ORC3: variants seen among roughly 807,000 people sequenced by gnomAD.
The protein encoded by ORC3 is homolog of latheo, Drosophila.
A neutral mutation model predicts 100.7 loss-of-function variants in ORC3; 78 were observed. The observed-to-expected ratio is 0.77, with a 90% confidence interval of 0.65 to 0.94. The LOEUF is 0.94. Among genes scored for constraint, ORC3 ranks in the 40% least tolerant of loss-of-function variants. The pLI, the probability that ORC3 is intolerant of heterozygous loss-of-function variation, is 0.00. For synonymous variants in ORC3, 295 were observed against 289.3 expected, an observed-to-expected ratio of 1.02 and a Z score of -0.20; for missense variants, 789 against 823.9, an observed-to-expected ratio of 0.96 and a Z score of 0.52.
At chr6:87,597,668 GAT>G (rs71021303) in intron 2 of ORC3, among the ~76,000 whole-genome samples, 1,679 of 142,444 alleles carry the variant, frequency 0.012, 23 homozygotes, top group African/African-American at 0.034. Context: ...TTTAAGTAAT[GAT>G]ATATATATAT....
chr6:87,627,612 A>G (rs1780018973), intron 11 of ORC3, among the ~76,000 whole-genome samples: 1 of 152,040 alleles, frequency 6.6e-6, no homozygotes, highest in African/African-American at 2.4e-5. Flanking sequence ...AACACATTTC[A>G]ATGTATATAA....
intron 16 of ORC3, among the ~76,000 whole-genome samples, chr6:87,658,227 G>T (rs1377576656): frequency 6.6e-6 from 1 of 152,180 alleles, no homozygotes; most frequent in Admixed American, 6.5e-5. Flanking sequence ...GGAGGCCAAG[G>T]CTGGTGGATC....
intron 11 of ORC3, among the ~76,000 whole-genome samples, chr6:87,629,480 A>G (rs898758085): frequency 2.6e-5 from 4 of 152,200 alleles, no homozygotes; most frequent in South Asian, 4.1e-4. Context: ...TAAGTTTTAC[A>G]TATGTATTGA....
chr6:87,666,594 A>C (rs1356046371), intron 19 of ORC3, among the ~76,000 whole-genome samples: 2 of 150,916 alleles, frequency 1.3e-5, no homozygotes, highest in Non-Finnish European at 2.9e-5. Flanking sequence ...GCCTGCCACC[A>C]TGCCTGGCTA....
chr6:87,641,890 A>C (rs1282389231), intron 13 of ORC3, among the ~76,000 whole-genome samples: 3 of 152,206 alleles, frequency 2.0e-5, no homozygotes, highest in Non-Finnish European at 4.4e-5. Flanking sequence ...ATATTTAAAG[A>C]TCTACTTAGG....
At chr6:87,591,974 G>A (rs1269422805) in intron 1 of ORC3, among the ~76,000 whole-genome samples, 2 of 152,196 alleles carry the variant, frequency 1.3e-5, no homozygotes, top group African/African-American at 4.8e-5. Flanking sequence ...CGAGTGATCC[G>A]CCAGCCTCGG....
intron 13 of ORC3, among the ~76,000 whole-genome samples, chr6:87,648,616 A>C (rs1270549566): frequency 6.6e-6 from 1 of 152,208 alleles, no homozygotes; most frequent in Non-Finnish European, 1.5e-5. Context: ...AGTTTACTTA[A>C]GTTCTCTGTG....
At chr6:87,605,194 G>T (rs981509132) in intron 4 of ORC3, among the ~76,000 whole-genome samples, 1 of 152,144 alleles carries the variant, frequency 6.6e-6, no homozygotes, top group Admixed American at 6.5e-5. Flanking sequence ...TATAGAGACA[G>T]GTTCTCACCA....
At chr6:87,616,944 C>T (rs919065619) in intron 9 of ORC3, among the ~76,000 whole-genome samples, 5 of 151,966 alleles carry the variant, frequency 3.3e-5, no homozygotes, top group East Asian at 3.9e-4. Flanking sequence ...ATTACAGGTG[C>T]GTGCCACCAC....
chr6:87,591,104 T>A (rs970172950), intron 1 of ORC3, among the ~76,000 whole-genome samples: 5 of 152,264 alleles, frequency 3.3e-5, no homozygotes, highest in Non-Finnish European at 7.3e-5. Flanking sequence ...CTAACCACAT[T>A]TCAAGTGCTC....
At chr6:87,632,306 A>AT (rs748121792) in intron 11 of ORC3, among the ~76,000 whole-genome samples, 19 of 152,266 alleles carry the variant, frequency 1.2e-4, no homozygotes, top group Non-Finnish European at 2.4e-4. Flanking sequence ...GTTGCAACTG[A>AT]TAAAAACACA....
At chr6:87,601,907 T>G (rs1382512961) in intron 3 of ORC3, 26 bp downstream of exon 3, 2 of 1,253,168 alleles carry the variant, frequency 1.6e-6, no homozygotes, top group Admixed American at 1.7e-5. Context: ...AATAATTTTC[T>G]GTAACACCCT....
At position 87,653,241 on chromosome 6, in the gene ORC3, G is replaced by T; in HGVS notation, c.1508G>T (p.Ser503Ile). Residue 503 changes from serine (S) to isoleucine (I), a missense_variant, in exon 14 of 20, where the codon AGC (serine) becomes ATC (isoleucine). Around this residue, in one of 3 missense-constraint regions of ORC3, gnomAD observed 366 missense variants for 394.2 expected, o/e 0.93. Coordinates refer to ENST00000392844, the MANE Select transcript of ORC3 (RefSeq NM_012381.4). ...GAGGAGTTCCTGGCCCAGTTTCAGA[G>T]CCTCGATGGTAAGAGTGTAATATCC... ...RIEEFLAQFQ[S>I]LDETKEEEDA... 1.2e-6 allele frequency: 2 copies of T among 1,613,460 alleles called. No individual in the cohort carries two copies. Among genetic ancestry groups the T allele is most frequent in the Non-Finnish European group, 1.7e-6 (2 of 1,179,676 alleles).
At chr6:87,599,246 C>T (rs1378571725) in intron 2 of ORC3, among the ~76,000 whole-genome samples, 1 of 152,040 alleles carries the variant, frequency 6.6e-6, no homozygotes, top group East Asian at 1.9e-4. Context: ...AAAATTGTGT[C>T]TTGATTTGCC....
intron 8 of ORC3, among the ~76,000 whole-genome samples, chr6:87,615,162 G>A (rs1242147950): frequency 4.6e-5 from 7 of 152,196 alleles, no homozygotes; most frequent in Admixed American, 4.6e-4. Context: ...AGCAGGCAAA[G>A]AGAGAGAGCT....
In ORC3 at chr6:87,612,117, C is replaced by T. The variant is rs773825769; in HGVS notation, c.742C>T (p.Leu248Phe). The T allele has an allele frequency of 6.2e-7, 1 of 1,612,102 alleles. No homozygotes were observed. The highest frequency in any genetic ancestry group is 8.5e-7 in the Non-Finnish European group (1 of 1,179,564). The change falls in exon 8 of 20, where the codon CTC (leucine) becomes TTC (phenylalanine). Residue 248 changes from leucine (L) to phenylalanine (F), a missense_variant. Transcript: ENST00000392844. The part of the protein sequence containing the change: ...SQHLHEFPLI[L>F]IFGIATSPII... Reference sequence around the variant, plus strand: ...ACATCTCCATGAATTTCCACTAATACTCATTTTTGGAATAGCCACATCTCC... The same window carrying T: ...ACATCTCCATGAATTTCCACTAATATTCATTTTTGGAATAGCCACATCTCC...
intron 9 of ORC3, among the ~76,000 whole-genome samples, chr6:87,618,535 A>G (rs79138416): frequency 0.03 from 4,582 of 152,300 alleles, 230 homozygotes; most frequent in African/African-American, 0.1. Flanking sequence ...CTGGGGTTCC[A>G]TAGGAAAACA....
chr6:87,640,189 T>G (rs879185892), intron 13 of ORC3, among the ~76,000 whole-genome samples: 2 of 152,100 alleles, frequency 1.3e-5, no homozygotes, highest in Admixed American at 1.3e-4. Context: ...CCAATAAAAC[T>G]GTTGAAACCT....
chr6:87,676,407 A>C, the ORC3 span, among the ~76,000 whole-genome samples: 3 of 125,382 alleles, frequency 2.4e-5, no homozygotes, highest in Non-Finnish European at 3.2e-5. Flanking sequence ...TGGAGCTTGC[A>C]GTGAGCCAAG....
Sources: gnomAD v4.1 joint callset for allele counts (sites outside exome capture counted in the v4.1 genomes callset) on GRCh38, gnomAD v4.1.1 for gene constraint, gnomAD v4.1.1 regional missense constraint, MANE v1.5 for transcripts, NCBI Gene and HGNC (gene_info 2026-07-23, HGNC 2026-07-21) for gene names.